The following ESPNL variants were observed in gnomAD, a reference collection of about 807,000 sequenced individuals.
The protein encoded by ESPNL is espin like, also known as espin-like protein.
In ESPNL, 49 loss-of-function variants were observed where a neutral mutation model predicts 46.8. That is an observed-to-expected ratio of 1.05 (90% confidence interval 0.83 to 1.33). ESPNL has a LOEUF of 1.33. ESPNL is among the 40% of genes most tolerant of loss of function. The pLI, the probability that ESPNL is intolerant of heterozygous loss-of-function variation, is 0.00. For synonymous variants in ESPNL, 664 were observed against 662.1 expected, an observed-to-expected ratio of 1.00 and a Z score of -0.04; for missense variants, 1,540 against 1,436.6, an observed-to-expected ratio of 1.07 and a Z score of -1.16.
In ESPNL at chr2:238,100,533, C is replaced by T. The variant is rs1278606827; in HGVS notation, c.114C>T (p.Gly38=). 3.8e-6 allele frequency: 6 copies of T among 1,594,318 alleles called. No homozygotes were observed. The South Asian group carries it at 6.8e-5, about 18-fold the overall frequency. The change falls in exon 1 of 9, where the codon GGC becomes GGT. Residue 38 remains glycine (G), a synonymous_variant. Coordinates refer to ENST00000343063, the MANE Select transcript of ESPNL (RefSeq NM_194312.4). Reference sequence around the variant, plus strand: ...GCATCACCGATGCTCTGGGGGCCGGCCTGGTTCACCACGCCACCCGGGCTG... The same window carrying T: ...GCATCACCGATGCTCTGGGGGCCGGTCTGGTTCACCACGCCACCCGGGCTG... ...GPGITDALGA[G]LVHHATRAGH...
chr2:238,102,642 C>T (rs555189555), intron 2 of ESPNL, among the ~76,000 whole-genome samples: 11 of 152,224 alleles, frequency 7.2e-5, no homozygotes, highest in African/African-American at 2.2e-4. Flanking sequence ...GGCCCTGTGC[C>T]CCCTGCTGGA....
chr2:238,124,611 AG>A (rs1159829231), intron 5 of ESPNL, among the ~76,000 whole-genome samples: 22 of 126,436 alleles, frequency 1.7e-4, no homozygotes, highest in South Asian at 5.2e-4. Flanking sequence ...GTGTGTGTGC[AG>A]GAGGGTACAT....
rs564430054 is a variant in ESPNL, at chr2:238,126,901, T to C, written c.1103-721T>C. On this transcript the variant is annotated intron_variant, in intron 6 of 8. Transcript: ENST00000343063. ...TCTGTATGTCTGTGTGATTGTGTGATTGTGTGTGTATGATCGTGTCTGTGT... is the reference window on the plus strand; with the variant it reads ...TCTGTATGTCTGTGTGATTGTGTGACTGTGTGTGTATGATCGTGTCTGTGT... Among the ~76,000 whole-genome samples the C allele has an allele frequency of 9.1e-3, 736 of 81,110 alleles. 7 individuals are homozygous for C. Among genetic ancestry groups the C allele is most frequent in the African/African-American group, 0.048 (675 of 14,108 alleles). The allele number at this position is 81,110 out of a possible 152,430, so 53.2% of individuals were successfully genotyped here.
intron 7 of ESPNL, 119 bp from the exon 8 acceptor site, chr2:238,128,588 T>C: frequency 1.1e-6 from 1 of 917,884 alleles, no homozygotes; most frequent in Non-Finnish European, 1.6e-6. Context: ...GTCCCTCCTC[T>C]CAGGGCGCCC....
At chr2:238,129,894 C>T (rs960803679) in intron 8 of ESPNL, among the ~76,000 whole-genome samples, 3 of 152,270 alleles carry the variant, frequency 2.0e-5, no homozygotes, top group Admixed American at 1.3e-4. Context: ...CCAGCCTGTC[C>T]TTGCCTGTTG....
intron 8 of ESPNL, chr2:238,129,322 C>T (rs1167458292): frequency 2.1e-6 from 2 of 954,242 alleles, no homozygotes; most frequent in Non-Finnish European, 2.5e-6. Flanking sequence ...TAGGGGGCCC[C>T]CTCTGGGGAC....
At chr2:238,113,060 T>C (rs1056299078) in intron 4 of ESPNL, among the ~76,000 whole-genome samples, 1 of 152,242 alleles carries the variant, frequency 6.6e-6, no homozygotes, top group Non-Finnish European at 1.5e-5. Context: ...TGTGTGAACA[T>C]TCCTGGCTAT....
In ESPNL at chr2:238,131,175, C is replaced by A; in HGVS notation, c.2461C>A (p.Arg821=). The A allele has an allele frequency of 1.3e-6, 2 of 1,544,442 alleles. No homozygotes were observed. The highest frequency in any genetic ancestry group is 1.7e-6 in the Non-Finnish European group (2 of 1,146,426). ...WKAIMAHVPA[R]QLRRLSRQPR... is the part of the protein sequence containing the mutation. ...GGCCATCATGGCTCACGTGCCCGCCCGGCAGCTGCGGCGGCTGAGCCGGCA... is the reference window on the plus strand; with the variant it reads ...GGCCATCATGGCTCACGTGCCCGCCAGGCAGCTGCGGCGGCTGAGCCGGCA... The change falls in exon 9 of 9, where the codon CGG becomes AGG. Residue 821 remains arginine, a synonymous_variant. Coordinates refer to ENST00000343063, the MANE Select transcript of ESPNL (RefSeq NM_194312.4).
rs6711880 is a variant in ESPNL, at chr2:238,129,619, A to T, written c.1414-509A>T. Among the ~76,000 whole-genome samples, 958 of 152,368 alleles carry T rather than the reference A, an allele frequency of 6.3e-3. 5 individuals are homozygous for T. Among genetic ancestry groups the T allele is most frequent in the African/African-American group, 0.022 (913 of 41,586 alleles). On this transcript the variant is annotated intron_variant, in intron 8 of 8. Coordinates refer to ENST00000343063, the MANE Select transcript of ESPNL (RefSeq NM_194312.4). ...ACAGGCTCCCCGGGCTGCTGTGCAGACAGGAGTTCAGGAATTATGTCCTCA... is the reference window on the plus strand; with the variant it reads ...ACAGGCTCCCCGGGCTGCTGTGCAGTCAGGAGTTCAGGAATTATGTCCTCA...
At position 238,114,575 on chromosome 2, in the gene ESPNL, T is replaced by C. The variant is rs1691776620; in HGVS notation, c.856-2328T>C. ...TGCACATCTGACAAATGCTTCCTGCTTCCTCAGCCACACCAGCCACTGGCT... is the reference window on the plus strand; with the variant it reads ...TGCACATCTGACAAATGCTTCCTGCCTCCTCAGCCACACCAGCCACTGGCT... On this transcript the variant is annotated intron_variant, in intron 4 of 8. Transcript: ENST00000343063. This position sits in a 1 kb window ranked among gnomAD's most constrained non-coding sequence, Gnocchi z 5.0. 6.6e-6 allele frequency among the ~76,000 whole-genome samples: 1 copy of C among 152,154 alleles called. No individual in the cohort carries two copies. The highest frequency in any genetic ancestry group is 2.1e-4 in the South Asian group (1 of 4,826).
intron 5 of ESPNL, 106 bp downstream of exon 5, chr2:238,117,140 C>T: frequency 7.1e-7 from 1 of 1,408,254 alleles, no homozygotes; most frequent in South Asian, 1.4e-5. Context: ...GGAAGCTCAC[C>T]ATGTCCAACT....
chr2:238,111,368 C>T lies in ESPNL; in HGVS notation c.855+3395C>T, dbSNP rs1009239104. On this transcript the variant is annotated intron_variant, in intron 4 of 8. Transcript: ENST00000343063. The stretch of plus-strand genomic sequence containing the variant: ...GCAGCGCTAAGTCTGTTCACGTTGT[C>T]GTGCAGCAGAATTTCCACAACTTTT... Among the ~76,000 whole-genome samples the T allele has an allele frequency of 6.8e-4, 103 of 152,278 alleles. 1 individual carries two copies. The highest frequency in any genetic ancestry group is 2.0e-3 in the African/African-American group (85 of 41,542).
At chr2:238,121,808 A>G (rs1369419168) in intron 5 of ESPNL, among the ~76,000 whole-genome samples, 2 of 152,230 alleles carry the variant, frequency 1.3e-5, no homozygotes, top group Non-Finnish European at 2.9e-5. Context: ...CCAGAAAGGT[A>G]CTAAGACATC....
At chr2:238,116,106 G>A (rs931851682) in intron 4 of ESPNL, among the ~76,000 whole-genome samples, 6 of 152,222 alleles carry the variant, frequency 3.9e-5, no homozygotes, top group African/African-American at 9.6e-5. Context: ...ACTCGAGTTC[G>A]TTTTTGTGTT....
In ESPNL at chr2:238,128,857, C is replaced by T. The variant is rs1397304358; in HGVS notation, c.1366C>T (p.Arg456Trp). 1 of 1,547,756 alleles carries T rather than the reference C, an allele frequency of 6.5e-7. No homozygotes were observed. Among genetic ancestry groups the T allele is most frequent in the Non-Finnish European group, 8.7e-7 (1 of 1,146,826 alleles). ...AGAGTGGAAGCGGCAGGTGATGGTG[C>T]GGAAGCTGCAGGCGCGCCTGGGCGC... Reference protein sequence around the residue: ...IPEWKRQVMVRKLQARLGAES... With the variant: ...IPEWKRQVMVWKLQARLGAES... The change falls in exon 8 of 9, where the codon CGG becomes TGG. Residue 456 changes from arginine to tryptophan, a missense_variant. Coordinates refer to ENST00000343063, the MANE Select transcript of ESPNL (RefSeq NM_194312.4).
chr2:238,126,078 GTC>G (rs1389504422), intron 6 of ESPNL, among the ~76,000 whole-genome samples: 1 of 151,608 alleles, frequency 6.6e-6, no homozygotes. Context: ...GTTCATGTGT[GTC>G]TGTGTGTGAC....
chr2:238,123,446 G>A (rs1291131971), intron 5 of ESPNL, among the ~76,000 whole-genome samples: 1 of 152,144 alleles, frequency 6.6e-6, no homozygotes, highest in East Asian at 1.9e-4. Context: ...GGGCCGTACC[G>A]TAGGTGGGGC....
In ESPNL at chr2:238,131,484, G is replaced by T. The variant is rs767145038; in HGVS notation, c.2770G>T (p.Ala924Ser). The T allele has an allele frequency of 1.9e-6, 3 of 1,611,830 alleles. No individual in the cohort carries two copies. Among genetic ancestry groups the T allele is most frequent in the Non-Finnish European group, 2.5e-6 (3 of 1,179,532 alleles). Residue 924 changes from alanine to serine, a missense_variant, in exon 9 of 9, where the codon GCC becomes TCC. Transcript: ENST00000343063. Reference sequence around the variant, plus strand: ...GACCGACGGCTTCGAGGACATCAAAGCCCGCTTCTTTGGCTCCAGCCAGCG... The same window carrying T: ...GACCGACGGCTTCGAGGACATCAAATCCCGCTTCTTTGGCTCCAGCCAGCG... Reference protein sequence around the residue: ...AWTDGFEDIKARFFGSSQRPA... With the variant: ...AWTDGFEDIKSRFFGSSQRPA...
intron 2 of ESPNL, 49 bp downstream of exon 2, chr2:238,102,180 C>A (rs891270887): frequency 1.4e-6 from 2 of 1,459,318 alleles, no homozygotes; most frequent in Admixed American, 2.2e-5. Flanking sequence ...GGCGAGCTGG[C>A]CAAGGGGAGG....
Sources: gnomAD v4.1 joint callset for allele counts (sites outside exome capture counted in the v4.1 genomes callset) on GRCh38, gnomAD v4.1.1 for gene constraint, Gnocchi (gnomAD v3.1) non-coding constraint, MANE v1.5 for transcripts, NCBI Gene and HGNC (gene_info 2026-07-23, HGNC 2026-07-21) for gene names.